Variants in ABCC9 observed in about 807,000 individuals in gnomAD.
The protein encoded by ABCC9 is ATP binding cassette subfamily C member 9.
ABCC9 carries 95 observed loss-of-function variants against 188.3 expected under a neutral mutation model. The observed-to-expected ratio is 0.50, with a 90% CI of 0.43 to 0.60. The LOEUF (loss-of-function observed/expected upper bound fraction) is 0.60, where lower values mean the gene tolerates loss of function less well. Ranked by LOEUF, ABCC9 falls within the 20% of genes least tolerant of loss-of-function variation. The pLI, the probability that ABCC9 is intolerant of heterozygous loss-of-function variation, is 0.00. For synonymous variants in ABCC9, 659 were observed against 652.7 expected, an observed-to-expected ratio of 1.01 and a Z score of -0.15; for missense variants, 1,102 against 1,876.3, an observed-to-expected ratio of 0.59 and a Z score of 7.62.
At chr12:21,888,066 A>G (rs921095399) in intron 14 of ABCC9, 132 bp from the exon 15 acceptor site, 2 of 726,656 alleles carry the variant, frequency 2.8e-6, no homozygotes, top group Non-Finnish European at 5.0e-6. Flanking sequence ...TTTCAAGACC[A>G]ACTGGGAATT....
chr12:21,926,744 T>A (rs1949061694), intron 4 of ABCC9, among the ~76,000 whole-genome samples: 1 of 152,090 alleles, frequency 6.6e-6, no homozygotes, highest in Non-Finnish European at 1.5e-5. Flanking sequence ...AGGAAGACAG[T>A]TCCAGGCAGA....
At chr12:21,893,930 A>G in intron 14 of ABCC9, 102 bp downstream of exon 14, 1 of 1,162,002 alleles carries the variant, frequency 8.6e-7, no homozygotes, top group African/African-American at 1.5e-5. Flanking sequence ...GTCTCCTGGC[A>G]GTGATTTTAA....
intron 2 of ABCC9, among the ~76,000 whole-genome samples, chr12:21,937,537 A>T (rs568146605): frequency 2.0e-5 from 3 of 152,102 alleles, no homozygotes; most frequent in Non-Finnish European, 2.9e-5. Flanking sequence ...ACGTGCTCTC[A>T]CTTACATGTT....
chr12:21,823,395 C>A (rs1280716087), intron 31 of ABCC9, among the ~76,000 whole-genome samples: 1 of 152,178 alleles, frequency 6.6e-6, no homozygotes, highest in African/African-American at 2.4e-5. Context: ...ATATAGCACT[C>A]AGGAGCACAT....
intron 20 of ABCC9, among the ~76,000 whole-genome samples, chr12:21,862,674 C>G (rs1253147677): frequency 6.6e-6 from 1 of 152,148 alleles, no homozygotes; most frequent in East Asian, 1.9e-4. Flanking sequence ...AACACATCCT[C>G]ACTCTTACCC....
intron 38 of ABCC9, 120 bp downstream of exon 38, chr12:21,807,226 G>T: frequency 7.4e-7 from 1 of 1,352,622 alleles, no homozygotes; most frequent in Non-Finnish European, 1.0e-6. Flanking sequence ...GTAGATGATT[G>T]AGCAGATTCT....
chr12:21,894,495 C>G (rs1036789797), intron 13 of ABCC9, among the ~76,000 whole-genome samples: 7 of 152,100 alleles, frequency 4.6e-5, no homozygotes, highest in African/African-American at 1.7e-4. Flanking sequence ...ACCAGTCAAG[C>G]CCTTTCCAAG....
At chr12:21,834,423 A>G (rs1354621089) in intron 30 of ABCC9, among the ~76,000 whole-genome samples, 2 of 152,164 alleles carry the variant, frequency 1.3e-5, no homozygotes, top group African/African-American at 4.8e-5. Flanking sequence ...CTAGGGTAAT[A>G]TGCATCAAAC....
chr12:21,915,223 A>ATGTG (rs1177922394), intron 7 of ABCC9, among the ~76,000 whole-genome samples: 53 of 117,190 alleles, frequency 4.5e-4, no homozygotes, highest in African/African-American at 1.5e-3. Context: ...CTTTATATAT[A>ATGTG]TATGTGTGTG....
intron 39 of ABCC9, among the ~76,000 whole-genome samples, chr12:21,803,215 C>A (rs184963736): frequency 6.6e-6 from 1 of 152,182 alleles, no homozygotes; most frequent in East Asian, 1.9e-4. Flanking sequence ...ATAATATCTG[C>A]TGTGCATTTT....
chr12:21,818,049 C>T, intron 32 of ABCC9, 101 bp downstream of exon 32: 2 of 944,876 alleles, frequency 2.1e-6, no homozygotes, highest in Non-Finnish European at 1.7e-6. Flanking sequence ...GTGTAATTCC[C>T]CTCTCTGTGC....
At chr12:21,936,467 A>C in intron 3 of ABCC9, 66 bp downstream of exon 3, 1 of 1,412,290 alleles carries the variant, frequency 7.1e-7, no homozygotes, top group Non-Finnish European at 9.9e-7. Context: ...ACATTATCCC[A>C]AATCTCAGCC....
intron 16 of ABCC9, among the ~76,000 whole-genome samples, chr12:21,876,305 T>C (rs1030516473): frequency 6.6e-6 from 1 of 152,174 alleles, no homozygotes; most frequent in African/African-American, 2.4e-5. Flanking sequence ...CCCAAACATT[T>C]CCCAATGAAA....
Position 21,832,746 on chromosome 12 carries a change from A to G in ABCC9, c.3567-3686T>C, listed in dbSNP as rs75444522. ...CTAAAAAACTAAAAGTAGAACTGCT[A>G]TTTGATCCAGCAAACCCACTAGTAG... On this transcript the variant is annotated intron_variant, in intron 30 of 39. Transcript: ENST00000261200. Among the ~76,000 whole-genome samples the G allele has an allele frequency of 4.1e-3, 625 of 152,320 alleles. 10 individuals carry two copies. Among genetic ancestry groups the G allele is most frequent in the African/African-American group, 0.015 (605 of 41,578 alleles).
chr12:21,915,227 G>GTGTGTGTA (rs1555115962), intron 7 of ABCC9, among the ~76,000 whole-genome samples: 1 of 86,038 alleles, frequency 1.2e-5, no homozygotes, highest in Non-Finnish European at 2.3e-5. Context: ...ATATATATAT[G>GTGTGTGTA]TGTGTGTGTG....
chr12:21,841,829 G>C (rs1944410101), intron 29 of ABCC9, among the ~76,000 whole-genome samples: 1 of 152,066 alleles, frequency 6.6e-6, no homozygotes, highest in Non-Finnish European at 1.5e-5. Flanking sequence ...AATATTAATT[G>C]ATACCTAAAT....
At chr12:21,875,048 G>A (rs1233486101) in intron 17 of ABCC9, among the ~76,000 whole-genome samples, 2 of 149,972 alleles carry the variant, frequency 1.3e-5, no homozygotes, top group African/African-American at 4.9e-5. Context: ...AAGAGGATAA[G>A]TCTCATGTTA....
At chr12:21,905,279 G>A (rs1947984869) in intron 12 of ABCC9, among the ~76,000 whole-genome samples, 1 of 152,020 alleles carries the variant, frequency 6.6e-6, no homozygotes, top group Admixed American at 6.6e-5. Context: ...TGTGGGGAGA[G>A]GGGAGGGATA....
chr12:21,822,846 GTTAAAC>G (rs1943138804), intron 31 of ABCC9, among the ~76,000 whole-genome samples: 1 of 148,742 alleles, frequency 6.7e-6, no homozygotes, highest in African/African-American at 2.5e-5. Flanking sequence ...TTCTTTTACT[GTTAAAC>G]TTAACAAGTT....
Sources: gnomAD v4.1 joint callset for allele counts (sites outside exome capture counted in the v4.1 genomes callset) on GRCh38, gnomAD v4.1.1 for gene constraint, MANE v1.5 for transcripts, NCBI Gene and HGNC (gene_info 2026-07-23, HGNC 2026-07-21) for gene names.